Variants in NRG2 observed in about 807,000 individuals in gnomAD.
The protein encoded by NRG2 is pro-neuregulin-2, membrane-bound isoform.
A neutral mutation model predicts 73.9 loss-of-function variants in NRG2; 27 were observed. The observed-to-expected ratio is 0.37, with a 90% CI of 0.27 to 0.50. The LOEUF (loss-of-function observed/expected upper bound fraction) is 0.50. Among genes scored for constraint, NRG2 ranks in the 20% least tolerant of loss-of-function variants. The pLI, the probability that NRG2 is intolerant of heterozygous loss-of-function variation, is 0.96. For missense variants in NRG2, 1,126 were observed against 1,210.1 expected (o/e 0.93, Z 1.03); for synonymous variants, 532 against 541.0 (o/e 0.98, Z 0.23).
intron 1 of NRG2, among the ~76,000 whole-genome samples, chr5:139,909,415 C>G (rs1765448019): frequency 6.6e-6 from 1 of 152,132 alleles, no homozygotes; most frequent in Non-Finnish European, 1.5e-5. Flanking sequence ...TGAAGTTTTC[C>G]CACTCCCCTT....
chr5:139,860,869 C>T (rs765370946), intron 5 of NRG2, among the ~76,000 whole-genome samples: 1 of 152,150 alleles, frequency 6.6e-6, no homozygotes, highest in African/African-American at 2.4e-5. Context: ...AGTTAAGTCT[C>T]AGGCTCTTCT....
chr5:139,989,996 G>C (rs545484900), intron 1 of NRG2, among the ~76,000 whole-genome samples: 1 of 151,242 alleles, frequency 6.6e-6, no homozygotes, highest in Non-Finnish European at 1.5e-5. Context: ...CACCATGTTA[G>C]CCAGGATGGT....
At position 139,848,141 on chromosome 5, in the gene NRG2, A is replaced by T; in HGVS notation, c.2329T>A (p.Ser777Thr). The T allele has an allele frequency of 6.8e-7, 1 of 1,462,842 alleles. No homozygotes were observed. The highest frequency in any genetic ancestry group is 9.0e-7 in the Non-Finnish European group (1 of 1,114,492). The allele number at this position is 1,462,842 out of a possible 1,614,324, so 90.6% of individuals were successfully genotyped here. ...TCCGCGTCGTCCGCGTCGTCGTCCG[A>T]CGCCGAGGCTGAGCCGCCGCCCGAG... ...SGSGGGSASA[S>T]DDDADDADGA... Residue 777 changes from serine (S) to threonine (T), a missense_variant, in exon 10 of 10, where the codon TCG becomes ACG. Ser to Thr is a moderately conservative substitution (Grantham distance 58). Around this residue, in one of 3 missense-constraint regions of NRG2, gnomAD observed 402 missense variants for 357.8 expected, o/e 1.12. Coordinates refer to ENST00000361474, the MANE Select transcript of NRG2 (RefSeq NM_004883.3).
At chr5:139,944,354 C>T (rs1009774273) in intron 1 of NRG2, among the ~76,000 whole-genome samples, 19 of 152,108 alleles carry the variant, frequency 1.2e-4, no homozygotes, top group African/African-American at 4.3e-4. Context: ...GAACTTATTC[C>T]TCCTATCTAG....
Position 140,043,046 on chromosome 5 carries a change from C to A in NRG2, c.24G>T (p.Ala8=), listed in dbSNP as rs766865153. The A allele has an allele frequency of 6.5e-6, 10 of 1,535,122 alleles. No individual in the cohort carries two copies. The African/African-American group carries it at 1.4e-4, about 21-fold the overall frequency. Residue 8 remains alanine (A), a synonymous_variant, in exon 1 of 10, where the codon GCG becomes GCT. Coordinates refer to ENST00000361474, the MANE Select transcript of NRG2 (RefSeq NM_004883.3). This position sits in a 1 kb window ranked among gnomAD's most constrained non-coding sequence, Gnocchi z 6.7. MRQVCCS[A]LPPPPLEKGR... The stretch of plus-strand genomic sequence containing the variant: ...CCTTCTCCAGTGGCGGCGGCGGCAG[C>A]GCTGAGCAGCAAACCTGCCGCATCT...
intron 1 of NRG2, among the ~76,000 whole-genome samples, chr5:139,933,274 CA>C (rs953055856): frequency 5.7e-4 from 78 of 136,248 alleles, no homozygotes; most frequent in East Asian, 8.4e-4. Flanking sequence ...GACTCCGTCT[CA>C]AAAAAAAAAA....
chr5:140,035,633 G>C (rs1399097345), intron 1 of NRG2, among the ~76,000 whole-genome samples: 1 of 152,252 alleles, frequency 6.6e-6, no homozygotes, highest in African/African-American at 2.4e-5. Flanking sequence ...GGCTGGACCA[G>C]ATGTTTAGCC....
intron 1 of NRG2, among the ~76,000 whole-genome samples, chr5:140,041,079 G>A (rs79313895): frequency 2.0e-5 from 3 of 152,232 alleles, no homozygotes; most frequent in East Asian, 1.9e-4. Flanking sequence ...CATAGGTATC[G>A]ATCTAGAAAG....
In NRG2 at chr5:139,888,739, A is replaced by C. The variant is rs1439426100; in HGVS notation, c.701-1228T>G. 2.6e-5 allele frequency among the ~76,000 whole-genome samples: 4 copies of C among 152,314 alleles called. No homozygotes were observed. The South Asian group carries it at 8.3e-4, about 32-fold the overall frequency. The stretch of plus-strand genomic sequence containing the variant: ...GGAAGCACAGAAAGGAAGACTTTAA[A>C]AATGTATGACGTAGGCTTACACAAT... On this transcript the variant is annotated intron_variant, in intron 1 of 9. Coordinates refer to ENST00000361474, the MANE Select transcript of NRG2 (RefSeq NM_004883.3).
chr5:139,867,801 AGTGTGTGT>A (rs1202470798), intron 4 of NRG2, among the ~76,000 whole-genome samples: 126 of 79,530 alleles, frequency 1.6e-3, no homozygotes, highest in Middle Eastern at 5.3e-3. Flanking sequence ...TGTGTGTATG[AGTGTGTGT>A]GTGTGTGTGT....
At chr5:140,029,351 G>T (rs759784083) in intron 1 of NRG2, among the ~76,000 whole-genome samples, 2 of 152,178 alleles carry the variant, frequency 1.3e-5, no homozygotes, top group Non-Finnish European at 2.9e-5. Context: ...TGACAGACAT[G>T]ACAGTAATTG....
At chr5:139,881,047 C>T (rs762420872) in intron 2 of NRG2, 73 bp from the exon 3 acceptor site, 77 of 1,263,250 alleles carry the variant, frequency 6.1e-5, no homozygotes, top group Non-Finnish European at 8.4e-5. Context: ...AGTCACCCAG[C>T]GGTTGCCTCT....
intron 1 of NRG2, among the ~76,000 whole-genome samples, chr5:140,026,464 A>T (rs1760696799): frequency 6.6e-6 from 1 of 152,178 alleles, no homozygotes; most frequent in South Asian, 2.1e-4. Context: ...AGCCAGGCAC[A>T]GTGGCACATG....
intron 1 of NRG2, among the ~76,000 whole-genome samples, chr5:139,992,996 C>G (rs1333816605): frequency 6.8e-6 from 1 of 148,000 alleles, no homozygotes; most frequent in Non-Finnish European, 1.5e-5. Flanking sequence ...TTTTTTTCTT[C>G]TTGCAATCCA....
At chr5:139,886,317 T>C (rs1158651943) in intron 2 of NRG2, among the ~76,000 whole-genome samples, 2 of 152,164 alleles carry the variant, frequency 1.3e-5, no homozygotes, top group African/African-American at 2.4e-5. Context: ...AGGCAGGGCA[T>C]GGACATCCAG....
chr5:139,899,244 A>G (rs1321152747), intron 1 of NRG2, among the ~76,000 whole-genome samples: 1 of 152,146 alleles, frequency 6.6e-6, no homozygotes, highest in Non-Finnish European at 1.5e-5. Flanking sequence ...ATTCTTAAAC[A>G]TGAGCATGCA....
intron 1 of NRG2, among the ~76,000 whole-genome samples, chr5:139,912,318 C>A (rs1314392976): frequency 2.0e-5 from 3 of 152,112 alleles, no homozygotes; most frequent in Non-Finnish European, 4.4e-5. Context: ...GCAAAAAATT[C>A]TCTTCTCTCT....
At chr5:139,907,142 G>A (rs1397905340) in intron 1 of NRG2, among the ~76,000 whole-genome samples, 2 of 152,068 alleles carry the variant, frequency 1.3e-5, no homozygotes, top group Non-Finnish European at 2.9e-5. Flanking sequence ...TTTGTGGGAG[G>A]TCTGTGGACT....
At chr5:140,016,122 C>T (rs1759756950) in intron 1 of NRG2, among the ~76,000 whole-genome samples, 1 of 152,084 alleles carries the variant, frequency 6.6e-6, no homozygotes, top group Non-Finnish European at 1.5e-5. Context: ...AAGCAACAGG[C>T]CTTCCTGACT....
Sources: gnomAD v4.1 joint callset for allele counts (sites outside exome capture counted in the v4.1 genomes callset) on GRCh38, gnomAD v4.1.1 for gene constraint, gnomAD v4.1.1 regional missense constraint, Gnocchi (gnomAD v3.1) non-coding constraint, MANE v1.5 for transcripts, NCBI Gene and HGNC (gene_info 2026-07-23, HGNC 2026-07-21) for gene names.